PGBD2: variants seen among roughly 807,000 people sequenced by gnomAD.
PGBD2 encodes piggyBac transposable element-derived protein 2.
In PGBD2, 6 loss-of-function variants were observed where a neutral mutation model predicts 8.1. The ratio of observed to expected loss-of-function variants is 0.74; its 90% CI spans 0.40 to 1.46. PGBD2 has a LOEUF of 1.46. Among genes scored for constraint, PGBD2 ranks in the 40% most tolerant of loss-of-function variants. The probability of loss-of-function intolerance (pLI) is 0.02; values close to 1 mark genes in which losing one functional copy is unlikely to be tolerated. For synonymous variants in PGBD2, 318 were observed against 272.2 expected, an observed-to-expected ratio of 1.17 and a Z score of -1.66; for missense variants, 802 against 739.0, an observed-to-expected ratio of 1.09 and a Z score of -0.99.
chr1:248,894,288 G>GT, the PGBD2 span, among the ~76,000 whole-genome samples: 1 of 151,440 alleles, frequency 6.6e-6, no homozygotes, highest in East Asian at 1.9e-4. Flanking sequence ...TTTTTTTTGT[G>GT]GTTTTTTTTG....
At chr1:248,926,599 T>C in the PGBD2 span, among the ~76,000 whole-genome samples, 1 of 152,354 alleles carries the variant, frequency 6.6e-6, no homozygotes, top group African/African-American at 2.4e-5. Context: ...TCCAGAAAGC[T>C]AAATGCCTTT....
At chr1:248,905,871 C>A (rs754262817), upstream of PGBD2, among the ~76,000 whole-genome samples, 1 of 152,206 alleles carries the variant, frequency 6.6e-6, no homozygotes, top group Non-Finnish European at 1.5e-5. Flanking sequence ...GAGTTTCTTA[C>A]TCAGAAGGCC....
At chr1:248,874,907 T>G in the PGBD2 span, among the ~76,000 whole-genome samples, 7 of 15,764 alleles carry the variant, frequency 4.4e-4, no homozygotes, top group East Asian at 2.9e-3. Context: ...TAGATAGAGA[T>G]AGATAGATAG....
At chr1:248,909,674 G>T (rs530581265) in intron 1 of PGBD2, among the ~76,000 whole-genome samples, 1 of 152,274 alleles carries the variant, frequency 6.6e-6, no homozygotes, top group Non-Finnish European at 1.5e-5. Context: ...GAAAGCTGTG[G>T]TAAGAGGAAG....
At chr1:248,879,487 C>T in the PGBD2 span, among the ~76,000 whole-genome samples, 6 of 152,136 alleles carry the variant, frequency 3.9e-5, no homozygotes, top group South Asian at 4.1e-4. Flanking sequence ...CTCAACCTTC[C>T]GGGCTCAAAC....
downstream of PGBD2, chr1:248,919,779 A>G (rs979015507): frequency 6.0e-6 from 1 of 166,806 alleles, no homozygotes; most frequent in African/African-American, 2.4e-5. Flanking sequence ...GATTACAGCC[A>G]TTTCTGCCCG....
At chr1:248,905,309 AAC>A (rs1661602242), upstream of PGBD2, among the ~76,000 whole-genome samples, 1 of 152,180 alleles carries the variant, frequency 6.6e-6, no homozygotes, top group Admixed American at 6.5e-5. Flanking sequence ...TTTGAATGTT[AAC>A]ACGGTTTGGT....
At chr1:248,901,702 G>T (rs1015534877), upstream of PGBD2, among the ~76,000 whole-genome samples, 1 of 151,988 alleles carries the variant, frequency 6.6e-6, no homozygotes. Flanking sequence ...TCACAAAAAC[G>T]CCAAAAGCCA....
At chr1:248,912,150 C>G (rs188900472) in intron 1 of PGBD2, among the ~76,000 whole-genome samples, 8 of 152,262 alleles carry the variant, frequency 5.3e-5, no homozygotes, top group Non-Finnish European at 1.0e-4. Flanking sequence ...CTCCCATCAT[C>G]ATTGTGTGCA....
downstream of PGBD2, among the ~76,000 whole-genome samples, chr1:248,922,037 A>G (rs1289788673): frequency 2.0e-5 from 3 of 151,406 alleles, no homozygotes; most frequent in African/African-American, 2.4e-5. Flanking sequence ...TTGGACTGAG[A>G]CAATGGGGTT....
chr1:248,912,224 T>G (rs1228960634), intron 1 of PGBD2, among the ~76,000 whole-genome samples: 1 of 152,226 alleles, frequency 6.6e-6, no homozygotes, highest in Non-Finnish European at 1.5e-5. Context: ...GGATGCTTCC[T>G]GACTTCTGTT....
the PGBD2 span, among the ~76,000 whole-genome samples, chr1:248,875,024 G>A: frequency 1.3e-5 from 2 of 152,074 alleles, no homozygotes; most frequent in Non-Finnish European, 2.9e-5. Flanking sequence ...ATGGCCTGGC[G>A]CGGTGGCTGA....
At chr1:248,921,050 A>C (rs898637996), downstream of PGBD2, among the ~76,000 whole-genome samples, 1 of 152,074 alleles carries the variant, frequency 6.6e-6, no homozygotes, top group Non-Finnish European at 1.5e-5. Flanking sequence ...GCCCTTTGTC[A>C]GATGAGTAGA....
At chr1:248,881,654 T>C in the PGBD2 span, among the ~76,000 whole-genome samples, 2 of 152,262 alleles carry the variant, frequency 1.3e-5, no homozygotes, top group African/African-American at 4.8e-5. Context: ...TAAATTTCTA[T>C]AGTCAATAGT....
At chr1:248,877,209 T>G in the PGBD2 span, among the ~76,000 whole-genome samples, 1 of 152,182 alleles carries the variant, frequency 6.6e-6, no homozygotes, top group Admixed American at 6.5e-5. Flanking sequence ...TAGGAATTGG[T>G]GTGGTTTTCA....
intron 2 of PGBD2, 45 bp from the exon 3 acceptor site, chr1:248,916,557 C>A: frequency 1.9e-6 from 3 of 1,558,592 alleles, no homozygotes; most frequent in Middle Eastern, 1.7e-4. Flanking sequence ...GAAGCATTGG[C>A]TTTCTGGCAT....
At chr1:248,912,592 A>G (rs1443122172) in intron 1 of PGBD2, 1 of 152,174 alleles carries the variant, frequency 6.6e-6, no homozygotes, top group Non-Finnish European at 1.5e-5. Flanking sequence ...TTTCAAACAT[A>G]CAGAAAATAC....
chr1:248,901,151 A>T, the PGBD2 span, among the ~76,000 whole-genome samples: 1 of 152,212 alleles, frequency 6.6e-6, no homozygotes, highest in African/African-American at 2.4e-5. Flanking sequence ...AATATTGTGA[A>T]AATGGCCATA....
Sources: allele counts gnomAD v4.1 joint callset (sites outside exome capture counted in the v4.1 genomes callset), GRCh38; gene constraint gnomAD v4.1.1; transcripts MANE v1.5; gene names NCBI Gene and HGNC (gene_info 2026-07-23, HGNC 2026-07-21).